The following GFOD1 variants were observed in gnomAD, a reference collection of about 807,000 sequenced individuals.
GFOD1 encodes the protein Gfo/Idh/MocA-like oxidoreductase domain containing 1, also known as glucose-fructose oxidoreductase domain-containing protein 1.
A neutral mutation model predicts 25.4 loss-of-function variants in GFOD1; 9 were observed. The ratio of observed to expected loss-of-function variants is 0.35; its 90% CI spans 0.21 to 0.62. The LOEUF is 0.62. GFOD1 is among the 20% of genes least tolerant of loss of function. GFOD1 has a pLI of 0.72. For missense variants in GFOD1, 403 were observed against 556.9 expected (o/e 0.72, Z 2.78); for synonymous variants, 253 against 245.6 (o/e 1.03, Z -0.28).
At chr6:13,399,233 G>A (rs924739916) in intron 1 of GFOD1, among the ~76,000 whole-genome samples, 22 of 152,006 alleles carry the variant, frequency 1.4e-4, no homozygotes, top group African/African-American at 4.8e-4. Flanking sequence ...GACTGGTCTC[G>A]AACTCCTGGA....
intron 1 of GFOD1, among the ~76,000 whole-genome samples, chr6:13,481,734 C>T (rs1052984536): frequency 1.3e-5 from 2 of 152,230 alleles, no homozygotes; most frequent in East Asian, 1.9e-4. Flanking sequence ...ACCGTCAAGA[C>T]GCTTGCTGGG....
At chr6:13,407,753 A>C (rs1166713492) in intron 1 of GFOD1, among the ~76,000 whole-genome samples, 2 of 152,218 alleles carry the variant, frequency 1.3e-5, no homozygotes, top group Non-Finnish European at 2.9e-5. Flanking sequence ...TGGGGCTCAG[A>C]GGATCAGCTA....
At chr6:13,427,055 G>T (rs935061) in intron 1 of GFOD1, among the ~76,000 whole-genome samples, 113,715 of 152,112 alleles carry the variant, frequency 0.75, 42,703 homozygotes, top group South Asian at 0.84. Context: ...ACAAGGAAGC[G>T]GGCAGTGGCT....
chr6:13,478,967 A>C (rs978422412), intron 1 of GFOD1, among the ~76,000 whole-genome samples: 1 of 151,984 alleles, frequency 6.6e-6, no homozygotes, highest in Admixed American at 6.6e-5. Context: ...TGGTAACCCC[A>C]TCAGTACCTT....
chr6:13,486,106 G>C, intron 1 of GFOD1: 2 of 986,876 alleles, frequency 2.0e-6, no homozygotes, highest in Non-Finnish European at 2.4e-6. Flanking sequence ...CCCTAGCAGG[G>C]CGCCACCGCT....
chr6:13,483,324 T>C (rs1488404964), intron 1 of GFOD1, among the ~76,000 whole-genome samples: 1 of 152,040 alleles, frequency 6.6e-6, no homozygotes, highest in Non-Finnish European at 1.5e-5. Context: ...GACCTGGACA[T>C]GTGCGCCAAC....
At chr6:13,387,442 C>T (rs2127560251) in intron 1 of GFOD1, among the ~76,000 whole-genome samples, 1 of 152,306 alleles carries the variant, frequency 6.6e-6, no homozygotes. Flanking sequence ...CTTCATCCCT[C>T]GGATGCAAGG....
chr6:13,390,988 T>G (rs1168375561), intron 1 of GFOD1, among the ~76,000 whole-genome samples: 1 of 152,110 alleles, frequency 6.6e-6, no homozygotes, highest in African/African-American at 2.4e-5. Flanking sequence ...CAGGAATATC[T>G]ATTTCTTGGT....
chr6:13,459,464 A>T (rs746372020), intron 1 of GFOD1, among the ~76,000 whole-genome samples: 11 of 152,236 alleles, frequency 7.2e-5, no homozygotes, highest in Non-Finnish European at 1.3e-4. Flanking sequence ...TTTTATGATG[A>T]AACTGCCAAA....
chr6:13,365,229 G>C lies in GFOD1; in HGVS notation c.687C>G (p.Gly229=). ...DFCTFQMVLE[G]GVCCTVTLNF... ...TGAGGGTGACGGTGCAGCACACCCC[G>C]CCCTCCAGCACCATCTGGAAGGTGC... Residue 229 remains glycine (G), a synonymous_variant, in exon 2 of 2, where the codon GGC becomes GGG. Transcript: ENST00000379287. The surrounding 1 kb of genome is among the most constrained non-coding windows in gnomAD (Gnocchi z 9.2). 1 of 1,614,080 alleles carries C rather than the reference G, an allele frequency of 6.2e-7. No individual in the cohort carries two copies. The highest frequency in any genetic ancestry group is 8.5e-7 in the Non-Finnish European group (1 of 1,180,000).
intron 1 of GFOD1, among the ~76,000 whole-genome samples, chr6:13,410,673 A>T (rs1786062013): frequency 6.6e-6 from 1 of 152,126 alleles, no homozygotes; most frequent in Non-Finnish European, 1.5e-5. Flanking sequence ...AAAGGTGGAA[A>T]GAAGGGGCAT....
At chr6:13,401,448 G>A (rs1363850116) in intron 1 of GFOD1, among the ~76,000 whole-genome samples, 1 of 152,102 alleles carries the variant, frequency 6.6e-6, no homozygotes, top group Non-Finnish European at 1.5e-5. Context: ...GTCCTTATTA[G>A]TTAGAGATGC....
At chr6:13,450,554 A>G (rs1307234680) in intron 1 of GFOD1, among the ~76,000 whole-genome samples, 1 of 152,188 alleles carries the variant, frequency 6.6e-6, no homozygotes, top group Non-Finnish European at 1.5e-5. Context: ...AGCTCCCAAG[A>G]GTCCTCTTCC....
At position 13,365,716 on chromosome 6, in the gene GFOD1, C is replaced by T. The variant is rs758086119; in HGVS notation, c.254-54G>A. ...CGGGGCAGGACCATGTCCGAGCGCGCGTCCCTGGGTCAGATCTTAAAATAT... is the reference window on the plus strand; with the variant it reads ...CGGGGCAGGACCATGTCCGAGCGCGTGTCCCTGGGTCAGATCTTAAAATAT... On this transcript the variant is annotated intron_variant, in intron 1 of 1. Transcript: ENST00000379287. The surrounding 1 kb of genome is among the most constrained non-coding windows in gnomAD (Gnocchi z 9.2). 2.2e-4 allele frequency: 268 copies of T among 1,230,012 alleles called. No individual in the cohort carries two copies. The highest frequency in any genetic ancestry group is 2.9e-4 in the Non-Finnish European group (248 of 858,960). 76.2% of individuals were successfully genotyped at this position (1,230,012 alleles called of 1,614,324 possible).
chr6:13,468,950 A>G (rs1417261329), intron 1 of GFOD1, among the ~76,000 whole-genome samples: 3 of 152,228 alleles, frequency 2.0e-5, no homozygotes, highest in Non-Finnish European at 4.4e-5. Flanking sequence ...CAGCAGGATC[A>G]GCTCTTTCCT....
chr6:13,466,216 T>C (rs1019270385), intron 1 of GFOD1, among the ~76,000 whole-genome samples: 7 of 152,242 alleles, frequency 4.6e-5, no homozygotes, highest in Admixed American at 3.3e-4. Context: ...GATGATGGTA[T>C]AGTGCCTTCT....
intron 1 of GFOD1, among the ~76,000 whole-genome samples, chr6:13,373,542 G>T (rs1033271704): frequency 6.6e-5 from 10 of 151,970 alleles, no homozygotes; most frequent in Non-Finnish European, 1.2e-4. Context: ...AAGAAAAAAG[G>T]CAGGTCAAAG....
At chr6:13,470,998 C>T (rs1434463509) in intron 1 of GFOD1, among the ~76,000 whole-genome samples, 7 of 152,160 alleles carry the variant, frequency 4.6e-5, no homozygotes, top group East Asian at 3.9e-4. Context: ...ACAGTAAGTA[C>T]GTATTAGTTG....
In GFOD1 at chr6:13,424,685, A is replaced by G. The variant is rs574964159; in HGVS notation, c.254-59023T>C. ...AGAATATAGAAAGAAATGCAAAAAT[A>G]TTAATAGTGGTTATTCCTCATTGAT... On this transcript the variant is annotated intron_variant, in intron 1 of 1. Transcript: ENST00000379287. 4.6e-5 allele frequency among the ~76,000 whole-genome samples: 7 copies of G among 152,316 alleles called. No individual in the cohort carries two copies. In the South Asian group the frequency reaches 1.5e-3, roughly 32 times the overall value.
Sources: gnomAD v4.1 joint callset for allele counts (sites outside exome capture counted in the v4.1 genomes callset) on GRCh38, gnomAD v4.1.1 for gene constraint, Gnocchi (gnomAD v3.1) non-coding constraint, MANE v1.5 for transcripts, NCBI Gene and HGNC (gene_info 2026-07-23, HGNC 2026-07-21) for gene names.